The following KCNAB1 variants were observed in gnomAD, a reference collection of about 807,000 sequenced individuals.
KCNAB1 encodes potassium voltage-gated channel subfamily A regulatory beta subunit 1, also known as voltage-gated potassium channel subunit beta-1.
In KCNAB1, 35 loss-of-function variants were observed where a neutral mutation model predicts 64.6. That is an observed-to-expected ratio of 0.54 (90% CI 0.41 to 0.72). The LOEUF (loss-of-function observed/expected upper bound fraction) is 0.72. Ranked by LOEUF, KCNAB1 falls within the 30% of genes least tolerant of loss-of-function variation. The pLI, the probability that KCNAB1 is intolerant of heterozygous loss-of-function variation, is 0.00. For missense variants in KCNAB1, 401 were observed against 512.9 expected, an observed-to-expected ratio of 0.78 and a Z score of 2.11; for synonymous variants, 177 against 183.8, an observed-to-expected ratio of 0.96 and a Z score of 0.30.
chr3:156,146,647 T>C (rs979232987), intron 1 of KCNAB1, among the ~76,000 whole-genome samples: 11 of 152,352 alleles, frequency 7.2e-5, no homozygotes, highest in African/African-American at 2.6e-4. Flanking sequence ...TCTGCCTCTG[T>C]TACATCTACT....
At chr3:156,296,476 C>CA (rs1560180770) in intron 1 of KCNAB1, among the ~76,000 whole-genome samples, 1 of 111,072 alleles carries the variant, frequency 9.0e-6, no homozygotes, top group Non-Finnish European at 1.9e-5. Context: ...CCCCCCCCAC[C>CA]TTTTTTTTTT....
At chr3:156,199,716 T>C (rs535201740) in intron 1 of KCNAB1, among the ~76,000 whole-genome samples, 39 of 152,360 alleles carry the variant, frequency 2.6e-4, no homozygotes, top group South Asian at 1.5e-3. Flanking sequence ...TAGCAATTCT[T>C]GTAACCCTGT....
intron 7 of KCNAB1, among the ~76,000 whole-genome samples, chr3:156,472,486 A>G (rs1307990766): frequency 6.6e-6 from 1 of 152,236 alleles, no homozygotes; most frequent in Non-Finnish European, 1.5e-5. Context: ...ACCATGGATT[A>G]CAAGACTTTA....
chr3:156,461,813 C>A (rs1332334524), intron 5 of KCNAB1, among the ~76,000 whole-genome samples: 5 of 152,116 alleles, frequency 3.3e-5, no homozygotes, highest in African/African-American at 4.8e-5. Context: ...TTCATTCTTG[C>A]AAATAAAAAC....
At chr3:156,362,171 T>C (rs1576774237) in intron 1 of KCNAB1, among the ~76,000 whole-genome samples, 1 of 147,512 alleles carries the variant, frequency 6.8e-6, no homozygotes, top group Non-Finnish European at 1.5e-5. Context: ...GACTGAAAAG[T>C]GTACAGTGAA....
At chr3:156,285,309 T>A (rs1720036858) in intron 1 of KCNAB1, among the ~76,000 whole-genome samples, 1 of 152,238 alleles carries the variant, frequency 6.6e-6, no homozygotes, top group Non-Finnish European at 1.5e-5. Flanking sequence ...TTATGCCATC[T>A]TGTTCTAACA....
At position 156,140,534 on chromosome 3, in the gene KCNAB1, G is replaced by A. The variant is rs576672598; in HGVS notation, c.275+19648G>A. On this transcript the variant is annotated intron_variant, in intron 1 of 13. Transcript: ENST00000490337. Reference sequence around the variant, plus strand: ...ATAAGGGCATTAATCCTATTCTGAGGGCTCCAAGATCACAACTCGCTTACC... The same window carrying A: ...ATAAGGGCATTAATCCTATTCTGAGAGCTCCAAGATCACAACTCGCTTACC... Among the ~76,000 whole-genome samples the A allele has an allele frequency of 3.3e-5, 5 of 152,030 alleles. No homozygotes were observed. In the East Asian group the frequency reaches 9.7e-4, roughly 29 times the overall value.
At chr3:156,470,598 G>T (rs1290116581) in intron 7 of KCNAB1, among the ~76,000 whole-genome samples, 2 of 152,152 alleles carry the variant, frequency 1.3e-5, no homozygotes, top group African/African-American at 4.8e-5. Context: ...TAAGTAAATC[G>T]CTTGTATATT....
intron 1 of KCNAB1, among the ~76,000 whole-genome samples, chr3:156,204,680 A>G (rs1714545730): frequency 6.6e-6 from 1 of 152,090 alleles, no homozygotes; most frequent in South Asian, 2.1e-4. Context: ...AAAATAACAA[A>G]ACATTAACTG....
At chr3:156,392,936 T>C (rs1713153769) in intron 1 of KCNAB1, among the ~76,000 whole-genome samples, 1 of 152,220 alleles carries the variant, frequency 6.6e-6, no homozygotes, top group African/African-American at 2.4e-5. Flanking sequence ...AGTTTCTTTG[T>C]CTAGTATTAA....
chr3:156,338,669 T>C (rs1723897947), intron 1 of KCNAB1, among the ~76,000 whole-genome samples: 1 of 152,144 alleles, frequency 6.6e-6, no homozygotes, highest in Non-Finnish European at 1.5e-5. Flanking sequence ...AAATTTCAAG[T>C]GTAAGTTTAA....
intron 4 of KCNAB1, among the ~76,000 whole-genome samples, chr3:156,458,837 C>T (rs144981488): frequency 2.6e-4 from 40 of 152,208 alleles, no homozygotes; most frequent in Non-Finnish European, 4.9e-4. Flanking sequence ...TATTGATTGT[C>T]GGTCTATAAT....
chr3:156,165,277 C>CAAAAAAA (rs35419424), intron 1 of KCNAB1, among the ~76,000 whole-genome samples: 11 of 27,124 alleles, frequency 4.1e-4, no homozygotes, highest in African/African-American at 6.0e-4. Flanking sequence ...GACTCCGTCT[C>CAAAAAAA]AAAAAAAAAA....
chr3:156,200,622 C>T (rs1714266559), intron 1 of KCNAB1, among the ~76,000 whole-genome samples: 1 of 152,152 alleles, frequency 6.6e-6, no homozygotes, highest in Non-Finnish European at 1.5e-5. Flanking sequence ...AGGGGAAAAC[C>T]GCCTACTGAA....
rs140328468 is a variant in KCNAB1 at position 156,421,555 on chromosome 3, T to C, written c.276-61T>C. On this transcript the variant is annotated intron_variant, in intron 1 of 13. Coordinates refer to ENST00000490337, the MANE Select transcript of KCNAB1 (RefSeq NM_172160.3). ...CCAAAATGGAGATACAATATCCACT[T>C]ATGCATGTACAGTTCCACCTGAGGA... 1.4e-5 allele frequency: 22 copies of C among 1,522,286 alleles called. No homozygotes were observed. In the African/African-American group the frequency reaches 3.0e-4, roughly 21 times the overall value. The allele number at this position is 1,522,286 out of a possible 1,614,324, so 94.3% of individuals were successfully genotyped here. A position where few individuals can be genotyped will look rare whatever the true frequency, so the allele number is the denominator to read the frequency against.
At chr3:156,442,508 C>G (rs113206659) in intron 2 of KCNAB1, among the ~76,000 whole-genome samples, 2 of 152,174 alleles carry the variant, frequency 1.3e-5, no homozygotes, top group African/African-American at 4.8e-5. Context: ...CACTGAAATA[C>G]ATAAACCTTA....
At chr3:156,489,956 C>T (rs1047074307) in intron 8 of KCNAB1, among the ~76,000 whole-genome samples, 1 of 152,066 alleles carries the variant, frequency 6.6e-6, no homozygotes, top group African/African-American at 2.4e-5. Flanking sequence ...GGATACAGAG[C>T]TACTAAAGCT....
chr3:156,336,111 G>C (rs1450088641), intron 1 of KCNAB1, among the ~76,000 whole-genome samples: 2 of 152,156 alleles, frequency 1.3e-5, no homozygotes, highest in Non-Finnish European at 2.9e-5. Context: ...TGTAATCCTA[G>C]CTCTTTGGAG....
chr3:156,283,601 A>T (rs1231334307), intron 1 of KCNAB1, among the ~76,000 whole-genome samples: 3 of 151,694 alleles, frequency 2.0e-5, no homozygotes, highest in Non-Finnish European at 4.4e-5. Flanking sequence ...TTTCAGGTAC[A>T]CCAATCAGAC....
Sources: allele counts gnomAD v4.1 joint callset (sites outside exome capture counted in the v4.1 genomes callset), GRCh38; gene constraint gnomAD v4.1.1; transcripts MANE v1.5; gene names NCBI Gene and HGNC (gene_info 2026-07-23, HGNC 2026-07-21).